Variants in RABGAP1L observed in about 807,000 individuals in gnomAD.
RABGAP1L encodes the protein RAB GTPase activating protein 1 like, also known as rab GTPase-activating protein 1-like.
RABGAP1L carries 63 observed loss-of-function variants against 137.7 expected under a neutral mutation model. The observed-to-expected ratio is 0.46, with a 90% CI of 0.37 to 0.56. RABGAP1L has a LOEUF of 0.56. Ranked by LOEUF, RABGAP1L falls within the 20% of genes least tolerant of loss-of-function variation. The pLI, the probability that RABGAP1L is intolerant of heterozygous loss-of-function variation, is 0.00. For synonymous variants in RABGAP1L, 431 were observed against 433.7 expected (o/e 0.99, Z 0.08); for missense variants, 1,095 against 1,244.0 (o/e 0.88, Z 1.80).
intron 18 of RABGAP1L, among the ~76,000 whole-genome samples, chr1:174,810,483 C>G (rs1305739052): frequency 6.6e-6 from 1 of 152,202 alleles, no homozygotes; most frequent in Admixed American, 6.5e-5. Context: ...GACCCTGTTA[C>G]AAGCAGGAAT....
chr1:174,452,431 C>CAGAG (rs1655548243), intron 13 of RABGAP1L, among the ~76,000 whole-genome samples: 1 of 152,142 alleles, frequency 6.6e-6, no homozygotes, highest in Non-Finnish European at 1.5e-5. Flanking sequence ...AATCTTAAGT[C>CAGAG]AGAGACTTGT....
rs976542997 is a variant in RABGAP1L at position 174,411,151 on chromosome 1, G to C, written c.1710+17006G>C. On this transcript the variant is annotated intron_variant, in intron 13 of 25. Transcript: ENST00000681986. ...CAGGAACCTTCTGGCAGAGTCTTTAGGGTTTTCTAGTATAGGATCACATCA... is the reference window on the plus strand; with the variant it reads ...CAGGAACCTTCTGGCAGAGTCTTTACGGTTTTCTAGTATAGGATCACATCA... Among the ~76,000 whole-genome samples the C allele has an allele frequency of 1.6e-4, 25 of 152,072 alleles. 1 individual carries two copies. Among genetic ancestry groups the C allele is most frequent in the Non-Finnish European group, 1.3e-4 (9 of 68,002 alleles).
chr1:174,663,586 A>G lies in RABGAP1L; in HGVS notation c.1825-19936A>G, dbSNP rs540687809. ...TTAAGGAAGGGGAATGCCTGTGCAT[A>G]TATGTATATATACTCACATACACAC... On this transcript the variant is annotated intron_variant, in intron 14 of 25. Transcript: ENST00000681986. Among the ~76,000 whole-genome samples the G allele has an allele frequency of 5.9e-5, 9 of 152,334 alleles. No individual in the cohort carries two copies. In the East Asian group the frequency reaches 1.2e-3, roughly 20 times the overall value.
At chr1:174,501,389 A>C (rs144961210) in intron 13 of RABGAP1L, among the ~76,000 whole-genome samples, 1 of 151,976 alleles carries the variant, frequency 6.6e-6, no homozygotes, top group Non-Finnish European at 1.5e-5. Flanking sequence ...GGGTTTCACC[A>C]TGTTGGCCAG....
At chr1:174,184,923 T>C (rs986025830) in intron 1 of RABGAP1L, among the ~76,000 whole-genome samples, 1 of 152,214 alleles carries the variant, frequency 6.6e-6, no homozygotes, top group Non-Finnish European at 1.5e-5. Flanking sequence ...GGCAGGTGTA[T>C]GCTAGCGATG....
intron 13 of RABGAP1L, among the ~76,000 whole-genome samples, chr1:174,420,394 G>T (rs1214706366): frequency 6.6e-6 from 1 of 151,968 alleles, no homozygotes; most frequent in Non-Finnish European, 1.5e-5. Flanking sequence ...AAAGAGTTAA[G>T]ATGTTATTCA....
chr1:174,446,494 C>A (rs1654783552), intron 13 of RABGAP1L, among the ~76,000 whole-genome samples: 2 of 152,316 alleles, frequency 1.3e-5, no homozygotes, highest in South Asian at 4.1e-4. Flanking sequence ...ACAGGAGACT[C>A]TCTGAAATGA....
chr1:174,216,986 G>A lies in RABGAP1L; in HGVS notation c.-33-2139G>A, dbSNP rs1238859241. Reference sequence around the variant, plus strand: ...GGGAAGAAGACTGGAAATAGAAGATGGGTTAGGAGGCTTTTACAGTAGATA... The same window carrying A: ...GGGAAGAAGACTGGAAATAGAAGATAGGTTAGGAGGCTTTTACAGTAGATA... On this transcript the variant is annotated intron_variant, in intron 1 of 25. Coordinates refer to ENST00000681986, the MANE Select transcript of RABGAP1L (RefSeq NM_001366446.1). 3.3e-5 allele frequency among the ~76,000 whole-genome samples: 5 copies of A among 152,208 alleles called. No homozygotes were observed. In the East Asian group the frequency reaches 9.7e-4, roughly 29 times the overall value.
At chr1:174,239,988 A>G (rs1342708196) in intron 4 of RABGAP1L, among the ~76,000 whole-genome samples, 1 of 152,218 alleles carries the variant, frequency 6.6e-6, no homozygotes, top group African/African-American at 2.4e-5. Context: ...TTGCATGTAT[A>G]TTGTTTATAT....
At chr1:174,660,323 C>T (rs1676280240) in intron 14 of RABGAP1L, among the ~76,000 whole-genome samples, 1 of 152,150 alleles carries the variant, frequency 6.6e-6, no homozygotes, top group African/African-American at 2.4e-5. Flanking sequence ...TGTGAGGGCT[C>T]CTGTTCTTCA....
chr1:174,323,010 C>T (rs1450354381), intron 11 of RABGAP1L, among the ~76,000 whole-genome samples: 1 of 151,934 alleles, frequency 6.6e-6, no homozygotes, highest in Non-Finnish European at 1.5e-5. Flanking sequence ...GTAACTAGAA[C>T]TGAGAGAGAA....
intron 13 of RABGAP1L, among the ~76,000 whole-genome samples, chr1:174,555,142 G>A (rs1029522928): frequency 6.6e-6 from 1 of 152,096 alleles, no homozygotes; most frequent in African/African-American, 2.4e-5. Flanking sequence ...TATTTTTAGA[G>A]AAGTATATTG....
intron 17 of RABGAP1L, among the ~76,000 whole-genome samples, chr1:174,712,103 G>A (rs919702921): frequency 3.3e-5 from 5 of 152,174 alleles, no homozygotes; most frequent in African/African-American, 1.2e-4. Context: ...CTGTCAAAAC[G>A]GACCAATCGG....
intron 11 of RABGAP1L, among the ~76,000 whole-genome samples, chr1:174,350,032 C>T (rs1359063226): frequency 0.011 from 1,256 of 115,694 alleles, 1 homozygote; most frequent in Non-Finnish European, 0.017. Context: ...CCAGTAGGGG[C>T]GGCCGGGCAG....
intron 13 of RABGAP1L, among the ~76,000 whole-genome samples, chr1:174,623,130 G>T (rs1473439377): frequency 6.6e-6 from 1 of 152,090 alleles, no homozygotes; most frequent in Non-Finnish European, 1.5e-5. Flanking sequence ...CTACATTAAA[G>T]GTTATTTTTA....
chr1:174,271,321 G>GTC, intron 7 of RABGAP1L, among the ~76,000 whole-genome samples: 1 of 152,226 alleles, frequency 6.6e-6, no homozygotes, highest in South Asian at 2.1e-4. Flanking sequence ...TCTTGCTCAT[G>GTC]TCAGCATTAG....
chr1:174,486,240 G>GCA (rs1659635478), intron 13 of RABGAP1L, among the ~76,000 whole-genome samples: 1 of 47,892 alleles, frequency 2.1e-5, no homozygotes, highest in Non-Finnish European at 4.3e-5. Flanking sequence ...TTTTTTTTTT[G>GCA]TCTGGCTAAA....
At chr1:174,664,709 C>CTCTT (rs1350563988) in intron 14 of RABGAP1L, among the ~76,000 whole-genome samples, 68 of 129,140 alleles carry the variant, frequency 5.3e-4, no homozygotes, top group Admixed American at 3.4e-3. Flanking sequence ...CTCTCTCTCT[C>CTCTT]TCTTTCTTTC....
intron 17 of RABGAP1L, among the ~76,000 whole-genome samples, chr1:174,718,599 T>TTA (rs1394359188): frequency 6.6e-6 from 1 of 152,166 alleles, no homozygotes; most frequent in East Asian, 1.9e-4. Flanking sequence ...TTTGAGGCCC[T>TTA]TGGCATCATT....
Sources: gnomAD v4.1 joint callset for allele counts (sites outside exome capture counted in the v4.1 genomes callset) on GRCh38, gnomAD v4.1.1 for gene constraint, MANE v1.5 for transcripts, NCBI Gene and HGNC (gene_info 2026-07-23, HGNC 2026-07-21) for gene names.